The following NCAM1 variants were observed in gnomAD, a reference collection of about 807,000 sequenced individuals.
NCAM1 encodes neural cell adhesion molecule 1.
NCAM1 carries 14 observed loss-of-function variants against 109.8 expected under a neutral mutation model. The observed-to-expected ratio is 0.13, with a 90% CI of 0.08 to 0.20. The LOEUF (loss-of-function observed/expected upper bound fraction) is 0.20, where lower values mean the gene tolerates loss of function less well. Ranked by LOEUF, NCAM1 falls within the 10% of genes least tolerant of loss-of-function variation. NCAM1 has a pLI of 1.00. For synonymous variants in NCAM1, 418 were observed against 442.9 expected (o/e 0.94, Z 0.70); for missense variants, 774 against 1,109.9 (o/e 0.70, Z 4.30).
chr11:113,235,219 C>A lies in NCAM1; in HGVS notation c.1825+55C>A, dbSNP rs1591444604. On this transcript the variant is annotated intron_variant, in intron 14 of 19. Transcript: ENST00000316851. ...CAGCCCACCTTCTTCTCCCTGGGGG[C>A]AGTGGGGAACCCTGAGCTGGCCCAT... The A allele has an allele frequency of 4.3e-6, 7 of 1,613,076 alleles. No homozygotes were observed. In the East Asian group the frequency reaches 1.6e-4, roughly 36 times the overall value.
intron 1 of NCAM1, among the ~76,000 whole-genome samples, chr11:112,997,975 A>G (rs920125431): frequency 6.6e-6 from 1 of 152,064 alleles, no homozygotes. Flanking sequence ...GGCCTGCCTA[A>G]CCTTAGCCTG....
intron 1 of NCAM1, among the ~76,000 whole-genome samples, chr11:113,132,594 A>G (rs1285275184): frequency 2.1e-5 from 3 of 144,182 alleles, no homozygotes; most frequent in Non-Finnish European, 3.0e-5. Context: ...TCAGGCATAT[A>G]TTAGGAAGCA....
At chr11:112,982,217 C>G (rs1951172072) in intron 1 of NCAM1, among the ~76,000 whole-genome samples, 1 of 151,942 alleles carries the variant, frequency 6.6e-6, no homozygotes, top group South Asian at 2.1e-4. Flanking sequence ...CTCTGAGCCC[C>G]TTGTAGATAG....
intron 7 of NCAM1, among the ~76,000 whole-genome samples, chr11:113,213,622 C>T (rs2137011881): frequency 6.6e-6 from 1 of 152,294 alleles, no homozygotes; most frequent in African/African-American, 2.4e-5. Context: ...CTCACCCCTC[C>T]TTGCCCTCTG....
chr11:113,107,443 C>T lies in NCAM1; in HGVS notation c.53-94936C>T, dbSNP rs577478199. Among the ~76,000 whole-genome samples the T allele has an allele frequency of 3.1e-4, 47 of 152,278 alleles. No individual in the cohort carries two copies. The Middle Eastern group carries it at 0.017, about 55-fold the overall frequency. On this transcript the variant is annotated intron_variant, in intron 1 of 19. Transcript: ENST00000316851. ...CTACTACTGGAAATGTTATGCCCCT[C>T]GTATTATCCCTTTTCATGCTGGTGA...
intron 1 of NCAM1, among the ~76,000 whole-genome samples, chr11:113,049,162 G>T (rs1047862551): frequency 1.3e-5 from 2 of 152,116 alleles, no homozygotes; most frequent in Non-Finnish European, 2.9e-5. Context: ...TAGAGGTGGT[G>T]ATGGCACTAC....
At chr11:113,134,530 T>A (rs1310097891) in intron 1 of NCAM1, among the ~76,000 whole-genome samples, 2 of 152,144 alleles carry the variant, frequency 1.3e-5, no homozygotes, top group Non-Finnish European at 2.9e-5. Context: ...GTCTCTTGTA[T>A]TATTAAATTT....
intron 1 of NCAM1, among the ~76,000 whole-genome samples, chr11:112,984,968 C>T (rs573069488): frequency 1.5e-4 from 23 of 151,592 alleles, no homozygotes; most frequent in African/African-American, 5.3e-4. Flanking sequence ...TTAATCATTG[C>T]CAAGACCAGT....
intron 14 of NCAM1, among the ~76,000 whole-genome samples, chr11:113,235,465 AG>A (rs1468923680): frequency 2.0e-5 from 3 of 152,240 alleles, no homozygotes; most frequent in Non-Finnish European, 4.4e-5. Flanking sequence ...GGAGAAAACC[AG>A]GAGTGAGTTG....
At chr11:113,178,565 C>T (rs7111410) in intron 1 of NCAM1, among the ~76,000 whole-genome samples, 23,804 of 152,216 alleles carry the variant, frequency 0.16, 4,774 homozygotes, top group African/African-American at 0.47. Context: ...AATTAGCAAA[C>T]TGTTGAATGC....
At chr11:113,168,728 G>A (rs1164435665) in intron 1 of NCAM1, among the ~76,000 whole-genome samples, 1 of 152,148 alleles carries the variant, frequency 6.6e-6, no homozygotes, top group Non-Finnish European at 1.5e-5. Context: ...ATTTGATCCA[G>A]TTTCTTTTGT....
chr11:112,978,660 A>G (rs1283778619), intron 1 of NCAM1, among the ~76,000 whole-genome samples: 5 of 151,826 alleles, frequency 3.3e-5, no homozygotes, highest in Admixed American at 6.6e-5. Context: ...CAAAATGTAC[A>G]TTAATTATTT....
intron 1 of NCAM1, among the ~76,000 whole-genome samples, chr11:112,979,987 C>A (rs903895005): frequency 1.2e-4 from 18 of 151,730 alleles, no homozygotes; most frequent in African/African-American, 4.4e-4. Flanking sequence ...TGAAAACACT[C>A]ATTAAATAAG....
chr11:113,098,765 C>T (rs1176477704), intron 1 of NCAM1, among the ~76,000 whole-genome samples: 1 of 152,136 alleles, frequency 6.6e-6, no homozygotes, highest in Admixed American at 6.5e-5. Context: ...GAGGGGAGCA[C>T]AGTGCGTTCC....
At chr11:113,173,591 GATATAT>G (rs5794851) in intron 1 of NCAM1, among the ~76,000 whole-genome samples, 4,980 of 126,624 alleles carry the variant, frequency 0.039, 382 homozygotes, top group African/African-American at 0.12. Context: ...CATGTTACCT[GATATAT>G]ATATATATAT....
At chr11:113,040,132 C>G (rs1332288706) in intron 1 of NCAM1, among the ~76,000 whole-genome samples, 1 of 151,540 alleles carries the variant, frequency 6.6e-6, no homozygotes, top group Admixed American at 6.6e-5. Flanking sequence ...ACAGGTGAGA[C>G]TCCATCTCTA....
At chr11:113,146,902 A>T (rs1375746581) in intron 1 of NCAM1, among the ~76,000 whole-genome samples, 1 of 152,074 alleles carries the variant, frequency 6.6e-6, no homozygotes, top group Non-Finnish European at 1.5e-5. Context: ...TTAGGAAAAA[A>T]AAAAAAACCT....
At chr11:113,225,961 C>A (rs1434732591) in intron 9 of NCAM1, among the ~76,000 whole-genome samples, 1 of 152,174 alleles carries the variant, frequency 6.6e-6, no homozygotes, top group South Asian at 2.1e-4. Context: ...ACAACTGGTA[C>A]CAGCCACTGC....
intron 5 of NCAM1, among the ~76,000 whole-genome samples, chr11:113,206,767 A>G (rs1837363447): frequency 6.6e-6 from 1 of 152,248 alleles, no homozygotes; most frequent in Non-Finnish European, 1.5e-5. Context: ...GGTAAAAAAC[A>G]GTTTTGTACA....
Sources: gnomAD v4.1 joint callset for allele counts (sites outside exome capture counted in the v4.1 genomes callset) on GRCh38, gnomAD v4.1.1 for gene constraint, MANE v1.5 for transcripts, NCBI Gene and HGNC (gene_info 2026-07-23, HGNC 2026-07-21) for gene names.